The following KIF1A variants were observed in gnomAD, a reference collection of about 807,000 sequenced individuals.
The protein encoded by KIF1A is kinesin-like protein KIF1A.
KIF1A carries 46 observed loss-of-function variants against 227.3 expected under a neutral mutation model. The observed-to-expected ratio is 0.20, with a 90% CI of 0.16 to 0.26. KIF1A has a LOEUF of 0.26. Among genes scored for constraint, KIF1A ranks in the 10% least tolerant of loss-of-function variants. The pLI is 1.00. For missense variants in KIF1A, 1,683 were observed against 2,485.9 expected (o/e 0.68, Z 6.87); for synonymous variants, 1,022 against 1,012.8 (o/e 1.01, Z -0.17).
Position 240,783,763 on chromosome 2 carries a change from C to A in KIF1A, c.774G>T (p.Thr258=). The change falls in exon 8 of 49, where the codon ACG becomes ACT. Residue 258 remains threonine, a synonymous_variant. Transcript: ENST00000498729. ...DLAGSERADS[T]GAKGTRLKEG... ...CCTTGAGGCGCGTGCCCTTGGCTCC[C>A]GTGGAGTCAGCCCGCTCGCTCCCAG... The A allele has an allele frequency of 6.3e-7, 1 of 1,582,704 alleles. No individual in the cohort carries two copies. The highest frequency in any genetic ancestry group is 2.3e-5 in the East Asian group (1 of 43,222).
At chr2:240,786,226 GCA>G in intron 6 of KIF1A, 107 bp downstream of exon 6, 1 of 1,100,316 alleles carries the variant, frequency 9.1e-7, no homozygotes, top group South Asian at 1.4e-5. Flanking sequence ...CTCCGCGGGG[GCA>G]CAGATGGACC....
rs144349265 is a variant in KIF1A, at chr2:240,814,608, C to T, written c.-61+5514G>A. On this transcript the variant is annotated intron_variant, in intron 1 of 48. Transcript: ENST00000498729. ...CTGCCAGAGGCCACTTCTGGAGGTG[C>T]GATAAAAGGGAAAAAACTCATTCAA... Among the ~76,000 whole-genome samples, 593 of 152,116 alleles carry T rather than the reference C, an allele frequency of 3.9e-3. 5 individuals carry two copies. Among genetic ancestry groups the T allele is most frequent in the African/African-American group, 0.013 (559 of 41,480 alleles).
chr2:240,721,944 C>G (rs551672626), intron 43 of KIF1A, 60 bp from the exon 44 acceptor site: 3 of 1,403,784 alleles, frequency 2.1e-6, no homozygotes, highest in East Asian at 2.4e-5. Context: ...GCTCAGACAG[C>G]CTTGCAGGCT....
chr2:240,797,864 A>G (rs1033470164), intron 1 of KIF1A, 52 bp from the exon 2 acceptor site: 3 of 669,192 alleles, frequency 4.5e-6, no homozygotes, highest in Admixed American at 4.9e-5. Context: ...GAGGCAGGAC[A>G]GGCACTCCGG....
rs2052250625 is a variant in KIF1A at position 240,773,193 on chromosome 2, C to T, written c.1101G>A (p.Lys367=). The part of the protein sequence containing the change: ...NAVINEDPNN[K]LIRELKDEVT... ...CCTCATCCTTCAGCTCGCGGATCAG[C>T]TTGTTGTTGGGGTCCTCATTGATGA... is the stretch of plus-strand genomic sequence containing the variant. The change falls in exon 13 of 49, where the codon AAG becomes AAA. Residue 367 remains lysine (K), a synonymous_variant. Transcript: ENST00000498729. The T allele has an allele frequency of 3.7e-6, 6 of 1,613,990 alleles. No homozygotes were observed. The highest frequency in any genetic ancestry group is 4.5e-5 in the East Asian group (2 of 44,882).
chr2:240,807,559 A>C (rs1011359971), intron 1 of KIF1A, among the ~76,000 whole-genome samples: 2 of 152,364 alleles, frequency 1.3e-5, no homozygotes, highest in Non-Finnish European at 2.9e-5. Flanking sequence ...GACAAGGGAA[A>C]AACATTTGTA....
At chr2:240,767,180 G>T in intron 18 of KIF1A, 86 bp downstream of exon 18, 2 of 1,246,230 alleles carry the variant, frequency 1.6e-6, no homozygotes, top group Non-Finnish European at 2.3e-6. Context: ...TGGCCCCTCT[G>T]CAGAAGCAGG....
rs533103706 is a variant in KIF1A at position 240,814,037 on chromosome 2, A to G, written c.-61+6085T>C. Among the ~76,000 whole-genome samples, 24 of 152,344 alleles carry G rather than the reference A, an allele frequency of 1.6e-4. No individual in the cohort carries two copies. In the South Asian group the frequency reaches 4.6e-3, roughly 29 times the overall value. On this transcript the variant is annotated intron_variant, in intron 1 of 48. Coordinates refer to ENST00000498729, the MANE Select transcript of KIF1A (RefSeq NM_001244008.2). ...AAGTACAAGATTCCAAAAACCCTAG[A>G]AAAGGCAGTCAAAGGACTTTAGAAT...
At chr2:240,771,990 C>T (rs13011940) in intron 14 of KIF1A, among the ~76,000 whole-genome samples, 21,459 of 152,214 alleles carry the variant, frequency 0.14, 1,996 homozygotes, top group Middle Eastern at 0.23. Context: ...CAGCCAAGCT[C>T]GGGGAGGCAC....
chr2:240,767,568 C>A lies in KIF1A; in HGVS notation c.1498-223G>T, dbSNP rs751446898. On this transcript the variant is annotated intron_variant, in intron 17 of 48. Coordinates refer to ENST00000498729, the MANE Select transcript of KIF1A (RefSeq NM_001244008.2). ...CCAACAGCAGCAGGCCGGTGGGACCCGACCACCCGCATACACCCAAGCCTG... is the reference window on the plus strand; with the variant it reads ...CCAACAGCAGCAGGCCGGTGGGACCAGACCACCCGCATACACCCAAGCCTG... 5.3e-5 allele frequency among the ~76,000 whole-genome samples: 8 copies of A among 152,252 alleles called. No individual in the cohort carries two copies. The East Asian group carries it at 1.5e-3, about 29-fold the overall frequency.
chr2:240,719,573 T>C (rs1301608233), intron 46 of KIF1A, among the ~76,000 whole-genome samples: 3 of 152,196 alleles, frequency 2.0e-5, no homozygotes, highest in African/African-American at 7.2e-5. Context: ...CACAGGGCCC[T>C]GCCTGACCTC....
rs1485642937 is a variant in KIF1A, at chr2:240,757,632, C to A, written c.2583-38G>T. On this transcript the variant is annotated intron_variant, in intron 26 of 48. Coordinates refer to ENST00000498729, the MANE Select transcript of KIF1A (RefSeq NM_001244008.2). This position sits in a 1 kb window ranked among gnomAD's most constrained non-coding sequence, Gnocchi z 6.2. ...CGACAAGACAGAGAGAAGTTAACACCAGCGACTCGCAGGGACGAACAGGGG... is the reference window on the plus strand; with the variant it reads ...CGACAAGACAGAGAGAAGTTAACACAAGCGACTCGCAGGGACGAACAGGGG... The A allele has an allele frequency of 1.3e-6, 2 of 1,541,946 alleles. No homozygotes were observed. The highest frequency in any genetic ancestry group is 4.9e-5 in the East Asian group (2 of 40,728).
At chr2:240,728,688 G>A (rs372285198) in intron 38 of KIF1A, among the ~76,000 whole-genome samples, 1 of 152,206 alleles carries the variant, frequency 6.6e-6, no homozygotes, top group East Asian at 1.9e-4. Flanking sequence ...CCAGAAGCCA[G>A]GACAAAGGCC....
intron 2 of KIF1A, among the ~76,000 whole-genome samples, chr2:240,795,019 C>T (rs1358219332): frequency 6.6e-6 from 1 of 152,210 alleles, no homozygotes; most frequent in Admixed American, 6.5e-5. Context: ...TCCTTGGTTT[C>T]AGAACTTTGC....
At chr2:240,809,335 T>C (rs771295864) in intron 1 of KIF1A, among the ~76,000 whole-genome samples, 1 of 152,176 alleles carries the variant, frequency 6.6e-6, no homozygotes, top group African/African-American at 2.4e-5. Context: ...CCCTATGATC[T>C]CGAGCCTTGG....
At position 240,740,392 on chromosome 2, in the gene KIF1A, C is replaced by A. The variant is rs201193614; in HGVS notation, c.3750-28G>T. ...GGAAGAGAGAGACACATGTGAGGAG[C>A]GGCCAGCCCCTCCTCTCTGCCCTCC... On this transcript the variant is annotated intron_variant, in intron 35 of 48. Transcript: ENST00000498729. This position sits in a 1 kb window ranked among gnomAD's most constrained non-coding sequence, Gnocchi z 6.1. 1 of 1,593,996 alleles carries A rather than the reference C, an allele frequency of 6.3e-7. No individual in the cohort carries two copies. Among genetic ancestry groups the A allele is most frequent in the Non-Finnish European group, 8.6e-7 (1 of 1,162,046 alleles).
At chr2:240,738,082 T>C (rs1272891326) in intron 37 of KIF1A, among the ~76,000 whole-genome samples, 1 of 152,190 alleles carries the variant, frequency 6.6e-6, no homozygotes, top group Non-Finnish European at 1.5e-5. Context: ...GCAGTGCCCA[T>C]GGCAGGGAAG....
chr2:240,740,717 T>C lies in KIF1A; in HGVS notation c.3750-353A>G, dbSNP rs1318935430. The stretch of plus-strand genomic sequence containing the variant: ...CCAAGGCCAGAGGATCCAGAGGAAA[T>C]CCCAGCAGATGGGCTCGTCTTCTCC... On this transcript the variant is annotated intron_variant, in intron 35 of 48. Coordinates refer to ENST00000498729, the MANE Select transcript of KIF1A (RefSeq NM_001244008.2). The surrounding 1 kb of genome is among the most constrained non-coding windows in gnomAD (Gnocchi z 6.1). Among the ~76,000 whole-genome samples, 3 of 151,928 alleles carry C rather than the reference T, an allele frequency of 2.0e-5. No homozygotes were observed. Among genetic ancestry groups the C allele is most frequent in the Non-Finnish European group, 4.4e-5 (3 of 67,952 alleles).
chr2:240,803,479 G>A (rs976590302), intron 1 of KIF1A, among the ~76,000 whole-genome samples: 2 of 152,246 alleles, frequency 1.3e-5, no homozygotes, highest in African/African-American at 2.4e-5. Flanking sequence ...TCAGCATCCA[G>A]AACGTGGCTG....
Sources: allele counts gnomAD v4.1 joint callset (sites outside exome capture counted in the v4.1 genomes callset), GRCh38; gene constraint gnomAD v4.1.1; non-coding constraint Gnocchi (gnomAD v3.1); transcripts MANE v1.5; gene names NCBI Gene and HGNC (gene_info 2026-07-23, HGNC 2026-07-21).